Variants in PAK1 observed in about 807,000 individuals in gnomAD.
The protein encoded by PAK1 is serine/threonine-protein kinase PAK 1.
In PAK1, 29 loss-of-function variants were observed where a neutral mutation model predicts 67.4. That is an observed-to-expected ratio of 0.43 (90% CI 0.32 to 0.59). PAK1 has a LOEUF of 0.59. Among genes scored for constraint, PAK1 ranks in the 20% least tolerant of loss-of-function variants. PAK1 has a pLI of 0.07. For synonymous variants in PAK1, 223 were observed against 237.4 expected, an observed-to-expected ratio of 0.94 and a Z score of 0.56; for missense variants, 337 against 670.7, an observed-to-expected ratio of 0.50 and a Z score of 5.50.
the PAK1 span, among the ~76,000 whole-genome samples, chr11:77,525,054 T>C: frequency 6.6e-6 from 1 of 151,832 alleles, no homozygotes; most frequent in Admixed American, 6.6e-5. Context: ...GATTTAAAAG[T>C]GTAAAATAGG....
At chr11:77,398,485 C>CGAA (rs1952148293) in intron 1 of PAK1, among the ~76,000 whole-genome samples, 1 of 152,172 alleles carries the variant, frequency 6.6e-6, no homozygotes, top group East Asian at 1.9e-4. Context: ...TGTACATGTT[C>CGAA]CATCCATGTT....
At chr11:77,450,577 G>A (rs1956811415) in intron 1 of PAK1, among the ~76,000 whole-genome samples, 1 of 152,146 alleles carries the variant, frequency 6.6e-6, no homozygotes, top group East Asian at 1.9e-4. Flanking sequence ...GGAGCCATTA[G>A]GGATTTATGG....
chr11:77,325,153 T>C (rs1004870844), intron 14 of PAK1, among the ~76,000 whole-genome samples: 1 of 152,222 alleles, frequency 6.6e-6, no homozygotes, highest in Admixed American at 6.5e-5. Flanking sequence ...GAGAGCAGCA[T>C]GATCCAACAT....
the PAK1 span, among the ~76,000 whole-genome samples, chr11:77,490,341 C>T: frequency 7.0e-6 from 1 of 143,884 alleles, no homozygotes; most frequent in South Asian, 2.4e-4. Context: ...GGGGGGTCAG[C>T]CCCCCACCCG....
At chr11:77,350,085 TA>T (rs1396742967) in intron 8 of PAK1, among the ~76,000 whole-genome samples, 2 of 152,198 alleles carry the variant, frequency 1.3e-5, no homozygotes. Context: ...CTGAATAATC[TA>T]ATCTCAAAGT....
the PAK1 span, among the ~76,000 whole-genome samples, chr11:77,514,667 A>G: frequency 4.6e-5 from 7 of 152,200 alleles, no homozygotes; most frequent in Non-Finnish European, 2.9e-5. Flanking sequence ...GGACAAGTGG[A>G]GCCAAAAGCA....
In PAK1 at chr11:77,379,779, TA is replaced by T. The variant is rs1210344439; in HGVS notation, c.291+114del. On this transcript the variant is annotated intron_variant, in intron 3 of 14. Coordinates refer to ENST00000356341, the MANE Select transcript of PAK1 (RefSeq NM_002576.5). ...CCCACTCATGAACGTGAGAAAATTG[TA>T]ATCAGGGTCTCAGGCAAAGATAGAA... 4 of 742,126 alleles carry T rather than the reference TA, an allele frequency of 5.4e-6. No homozygotes were observed. The African/African-American group carries it at 7.1e-5, about 13-fold the overall frequency. 46.0% of individuals were successfully genotyped at this position (742,126 alleles called of 1,614,324 possible).
At chr11:77,513,753 A>T in the PAK1 span, among the ~76,000 whole-genome samples, 1 of 150,452 alleles carries the variant, frequency 6.6e-6, no homozygotes. Context: ...GCAATAGGCT[A>T]CCCAGATCAG....
chr11:77,459,722 TCGC>T (rs1957239988), intron 1 of PAK1, among the ~76,000 whole-genome samples: 1 of 143,818 alleles, frequency 7.0e-6, no homozygotes, highest in Non-Finnish European at 1.5e-5. Context: ...AGACGGAGTC[TCGC>T]TCTTTCACCC....
chr11:77,451,662 C>T (rs1313878824), intron 1 of PAK1, among the ~76,000 whole-genome samples: 1 of 142,572 alleles, frequency 7.0e-6, no homozygotes, highest in African/African-American at 2.8e-5. Flanking sequence ...TGCAGTGGCA[C>T]GATTTCTGCT....
chr11:77,363,928 T>C (rs1311029614), intron 5 of PAK1, among the ~76,000 whole-genome samples: 1 of 152,194 alleles, frequency 6.6e-6, no homozygotes, highest in Admixed American at 6.5e-5. Context: ...ACTCCAGAAG[T>C]GTGGGGGTTC....
chr11:77,428,794 A>G lies in PAK1; in HGVS notation c.-21-36253T>C, dbSNP rs922002874. On this transcript the variant is annotated intron_variant, in intron 1 of 14. Transcript: ENST00000356341. ...GTATAGCAAGGAAGGCATCCGTATCAGGAGAGAGGGGTGCCCTGGTGTAGT... is the reference window on the plus strand; with the variant it reads ...GTATAGCAAGGAAGGCATCCGTATCGGGAGAGAGGGGTGCCCTGGTGTAGT... Among the ~76,000 whole-genome samples the G allele has an allele frequency of 6.6e-5, 10 of 151,928 alleles. No individual in the cohort carries two copies. In the South Asian group the frequency reaches 2.1e-3, roughly 32 times the overall value.
chr11:77,347,754 AC>A (rs1471071603), intron 9 of PAK1, among the ~76,000 whole-genome samples: 1 of 152,246 alleles, frequency 6.6e-6, no homozygotes, highest in Non-Finnish European at 1.5e-5. Context: ...TGGAATACAT[AC>A]ACATGTATAT....
chr11:77,465,802 T>C (rs1957569935), intron 1 of PAK1, among the ~76,000 whole-genome samples: 1 of 151,902 alleles, frequency 6.6e-6, no homozygotes, highest in Non-Finnish European at 1.5e-5. Context: ...ATACAAAAAT[T>C]AGCTGGGCTT....
intron 1 of PAK1, among the ~76,000 whole-genome samples, chr11:77,435,249 A>G (rs908476588): frequency 6.6e-6 from 1 of 152,212 alleles, no homozygotes; most frequent in African/African-American, 2.4e-5. Context: ...ATACCCATAC[A>G]CACATACACA....
chr11:77,487,396 C>T, the PAK1 span, among the ~76,000 whole-genome samples: 20 of 151,834 alleles, frequency 1.3e-4, no homozygotes, highest in Admixed American at 1.3e-3. Flanking sequence ...GCTATGGTAG[C>T]CACAGGGAGG....
chr11:77,468,211 A>G (rs1476917741), intron 1 of PAK1, among the ~76,000 whole-genome samples: 2 of 152,244 alleles, frequency 1.3e-5, no homozygotes, highest in Non-Finnish European at 2.9e-5. Context: ...CCAATCCTGC[A>G]TGCAAATTAC....
chr11:77,359,447 C>A (rs1388658713), intron 5 of PAK1, among the ~76,000 whole-genome samples: 1 of 152,172 alleles, frequency 6.6e-6, no homozygotes, highest in Non-Finnish European at 1.5e-5. Context: ...ATTTCTTACT[C>A]TCTCCTGATA....
chr11:77,362,458 G>A (rs1374727442), intron 5 of PAK1, among the ~76,000 whole-genome samples: 2 of 151,900 alleles, frequency 1.3e-5, no homozygotes, highest in Non-Finnish European at 2.9e-5. Context: ...CTCCAATTAA[G>A]GTTTTATGTT....
Sources: gnomAD v4.1 joint callset for allele counts (sites outside exome capture counted in the v4.1 genomes callset) on GRCh38, gnomAD v4.1.1 for gene constraint, MANE v1.5 for transcripts, NCBI Gene and HGNC (gene_info 2026-07-23, HGNC 2026-07-21) for gene names.